Variants in CIDEA observed in about 807,000 individuals in gnomAD.
CIDEA encodes the protein lipid transferase CIDEA.
In CIDEA, 10 loss-of-function variants were observed where a neutral mutation model predicts 18.2. The observed-to-expected ratio is 0.55, with a 90% CI of 0.34 to 0.93. The LOEUF (loss-of-function observed/expected upper bound fraction) is 0.93. Ranked by LOEUF, CIDEA falls within the 40% of genes least tolerant of loss-of-function variation. The pLI is 0.02. For missense variants in CIDEA, 309 were observed against 293.1 expected (o/e 1.05, Z -0.40); for synonymous variants, 128 against 124.8 (o/e 1.03, Z -0.17).
rs577206608 is a variant in CIDEA at position 12,268,133 on chromosome 18, C to T, written c.330+3680C>T. 9.1e-4 allele frequency among the ~76,000 whole-genome samples: 138 copies of T among 151,090 alleles called. 2 individuals carry two copies. The highest frequency in any genetic ancestry group is 1.2e-3 in the East Asian group (6 of 5,116). ...AGGCTGGAGTGCAGTGGCGCGATCT[C>T]GGCTCACTGCAACCTATGCCTCCTG... On this transcript the variant is annotated intron_variant, in intron 3 of 4. Coordinates refer to ENST00000320477, the MANE Select transcript of CIDEA (RefSeq NM_001279.4).
chr18:12,265,762 C>T (rs1912330588), intron 3 of CIDEA, among the ~76,000 whole-genome samples: 1 of 152,148 alleles, frequency 6.6e-6, no homozygotes, highest in Non-Finnish European at 1.5e-5. Context: ...AAAGAGTTTT[C>T]ATTCGTAACG....
intron 3 of CIDEA, 122 bp from the exon 4 acceptor site, chr18:12,273,971 C>T (rs1912624771): frequency 4.9e-6 from 5 of 1,022,498 alleles, no homozygotes; most frequent in Non-Finnish European, 7.1e-6. Flanking sequence ...CGATTAGCCA[C>T]GGAGCCGCTC....
rs1041148271 is a variant in CIDEA, at chr18:12,277,332, T to C, written c.*62T>C. The C allele has an allele frequency of 1.3e-6, 2 of 1,576,390 alleles. No individual in the cohort carries two copies. The highest frequency in any genetic ancestry group is 1.7e-6 in the Non-Finnish European group (2 of 1,151,042). On this transcript the variant is annotated 3_prime_UTR_variant, in exon 5 of 5. Transcript: ENST00000320477. ...GTGTTTCGTTTGGCTCAATGACGAA[T>C]GTTGAAGATGCTTTTATGTTCTGAG...
Position 12,277,328 on chromosome 18 carries a change from C to A in CIDEA, c.*58C>A. The A allele has an allele frequency of 3.1e-6, 5 of 1,591,032 alleles. No homozygotes were observed. The South Asian group carries it at 4.4e-5, about 14-fold the overall frequency. ...CACTGTGTTTCGTTTGGCTCAATGA[C>A]GAATGTTGAAGATGCTTTTATGTTC... On this transcript the variant is annotated 3_prime_UTR_variant, in exon 5 of 5. Transcript: ENST00000320477.
rs766800899 is a variant in CIDEA, at chr18:12,262,928, C to A, written c.142C>A (p.Arg48Ser). ...RVSNHDRSSR[R>S]GVMASSLQEL... ...CTCCAACCATGACAGGAGCAGCCGG[C>A]GTGGGGTGATGGCAAGCAGCCTGCA... is the stretch of plus-strand genomic sequence containing the variant. Residue 48 changes from arginine (R) to serine (S), a missense_variant, in exon 2 of 5, where the codon CGT becomes AGT. Coordinates refer to ENST00000320477, the MANE Select transcript of CIDEA (RefSeq NM_001279.4). 1.9e-6 allele frequency: 3 copies of A among 1,614,046 alleles called. No individual in the cohort carries two copies. Among genetic ancestry groups the A allele is most frequent in the South Asian group, 2.2e-5 (2 of 91,086 alleles).
In CIDEA at chr18:12,274,272, G is replaced by A. The variant is rs752394439; in HGVS notation, c.510G>A (p.Leu170=). The change falls in exon 4 of 5, where the codon CTG becomes CTA. Residue 170 remains leucine (L), a splice_region_variant and synonymous_variant. Transcript: ENST00000320477. ...DIRCTGLKGL[L]RSLLRFLSYS... is the part of the protein sequence containing the mutation. ...GGTGCACGGGACTCAAGGGCCTGCT[G>A]AGGTAACACACTCCAGGGGTCACCT... The A allele has an allele frequency of 1.2e-5, 19 of 1,614,092 alleles. 1 individual carries two copies. The South Asian group carries it at 2.0e-4, about 17-fold the overall frequency.
chr18:12,254,935 A>C (rs768985142), intron 1 of CIDEA: 6 of 1,233,912 alleles, frequency 4.9e-6, no homozygotes, highest in Non-Finnish European at 6.3e-6. Context: ...GGAGGCCCCA[A>C]CCGTCCGGCG....
Position 12,264,306 on chromosome 18 carries a change from G to C in CIDEA, c.184-1G>C, listed in dbSNP as rs1229936281. 1.9e-6 allele frequency: 3 copies of C among 1,605,362 alleles called. No individual in the cohort carries two copies. The highest frequency in any genetic ancestry group is 8.5e-7 in the Non-Finnish European group (1 of 1,176,728). ...ATTTCTCTGATGTGTTGCACACCTA[G>C]ACTCTGGATGCCCTCGTCATCGCTA... On this transcript the variant is annotated splice_acceptor_variant, in intron 2 of 4. Transcript: ENST00000320477. LOFTEE classifies it high-confidence loss of function.
At chr18:12,257,617 G>A (rs35796609) in intron 1 of CIDEA, among the ~76,000 whole-genome samples, 26,551 of 152,166 alleles carry the variant, frequency 0.17, 2,819 homozygotes, top group Non-Finnish European at 0.23. Flanking sequence ...GAGACATGCC[G>A]TTTCACAGCG....
intron 1 of CIDEA, among the ~76,000 whole-genome samples, chr18:12,261,243 C>T (rs886711606): frequency 2.0e-5 from 3 of 152,022 alleles, no homozygotes; most frequent in African/African-American, 7.2e-5. Context: ...AATTAGCTGG[C>T]CATGGTGGTG....
intron 1 of CIDEA, among the ~76,000 whole-genome samples, chr18:12,261,373 C>A (rs912625421): frequency 6.6e-6 from 1 of 152,080 alleles, no homozygotes; most frequent in African/African-American, 2.4e-5. Flanking sequence ...CATCTCAAAA[C>A]AAACAAACAA....
intron 3 of CIDEA, among the ~76,000 whole-genome samples, chr18:12,273,776 G>A (rs536390303): frequency 6.6e-6 from 1 of 152,100 alleles, no homozygotes; most frequent in Non-Finnish European, 1.5e-5. Context: ...AGGGCGAGTG[G>A]GTCCCCACCA....
At chr18:12,276,238 C>A (rs748935299) in intron 4 of CIDEA, among the ~76,000 whole-genome samples, 1 of 150,568 alleles carries the variant, frequency 6.6e-6, no homozygotes, top group African/African-American at 2.4e-5. Flanking sequence ...AGGTGATCCA[C>A]CCACCTCGGT....
At chr18:12,257,538 T>G (rs896348931) in intron 1 of CIDEA, among the ~76,000 whole-genome samples, 1 of 152,188 alleles carries the variant, frequency 6.6e-6, no homozygotes, top group African/African-American at 2.4e-5. Context: ...TCACACACTT[T>G]TGGAAGTTGG....
chr18:12,271,568 C>T (rs1029365632), intron 3 of CIDEA, among the ~76,000 whole-genome samples: 5 of 152,118 alleles, frequency 3.3e-5, no homozygotes, highest in Admixed American at 1.3e-4. Context: ...ATGGGAAAGG[C>T]GGGTTTGTTT....
Position 12,274,266 on chromosome 18 carries a change from C to T in CIDEA, c.504C>T (p.Gly168=), listed in dbSNP as rs147467225. 1.2e-6 allele frequency: 2 copies of T among 1,614,116 alleles called. No individual in the cohort carries two copies. The highest frequency in any genetic ancestry group is 3.3e-5 in the Admixed American group (2 of 60,026). ...ACATCCGGTGCACGGGACTCAAGGGCCTGCTGAGGTAACACACTCCAGGGG... is the reference window on the plus strand; with the variant it reads ...ACATCCGGTGCACGGGACTCAAGGGTCTGCTGAGGTAACACACTCCAGGGG... ...SYDIRCTGLK[G]LLRSLLRFLS... is the part of the protein sequence containing the mutation. The change falls in exon 4 of 5, where the codon GGC becomes GGT. Residue 168 remains glycine (G), a synonymous_variant. Coordinates refer to ENST00000320477, the MANE Select transcript of CIDEA (RefSeq NM_001279.4).
chr18:12,270,517 C>T (rs1325864473), intron 3 of CIDEA, among the ~76,000 whole-genome samples: 1 of 151,868 alleles, frequency 6.6e-6, no homozygotes, highest in African/African-American at 2.4e-5. Flanking sequence ...GGTGAAACCC[C>T]GTCTTTACTA....
intron 1 of CIDEA, among the ~76,000 whole-genome samples, chr18:12,261,176 A>G (rs998102169): frequency 1.3e-5 from 2 of 152,204 alleles, no homozygotes; most frequent in Non-Finnish European, 2.9e-5. Flanking sequence ...TGAGGTCAGG[A>G]GTTTGAAACC....
At chr18:12,275,824 G>C (rs1278125857) in intron 4 of CIDEA, among the ~76,000 whole-genome samples, 1 of 141,376 alleles carries the variant, frequency 7.1e-6, no homozygotes, top group Admixed American at 7.4e-5. Context: ...ACTCCCAGGA[G>C]AGCTTCCTTT....
Sources: allele counts gnomAD v4.1 joint callset (sites outside exome capture counted in the v4.1 genomes callset), GRCh38; gene constraint gnomAD v4.1.1; transcripts MANE v1.5; gene names NCBI Gene and HGNC (gene_info 2026-07-23, HGNC 2026-07-21).